Variants in EHMT1 observed in about 807,000 individuals in gnomAD.
EHMT1 encodes euchromatic histone lysine methyltransferase 1.
Under a neutral mutation model 147.2 loss-of-function variants are expected in EHMT1, and 15 were observed. That is an observed-to-expected ratio of 0.10 (90% CI 0.07 to 0.16). The LOEUF (loss-of-function observed/expected upper bound fraction) is 0.16. EHMT1 is among the 10% of genes least tolerant of loss of function. EHMT1 has a pLI of 1.00. For synonymous variants in EHMT1, 795 were observed against 709.6 expected, an observed-to-expected ratio of 1.12 and a Z score of -1.91; for missense variants, 1,587 against 1,772.4, an observed-to-expected ratio of 0.90 and a Z score of 1.88.
chr9:137,822,378 C>T (rs994325885), intron 25 of EHMT1, among the ~76,000 whole-genome samples: 3 of 152,130 alleles, frequency 2.0e-5, no homozygotes, highest in Admixed American at 6.5e-5. Flanking sequence ...TTTTATTTCT[C>T]GAGTAAATGG....
chr9:137,799,016 C>A (rs1953206365), intron 17 of EHMT1, 102 bp downstream of exon 17: 1 of 983,488 alleles, frequency 1.0e-6, no homozygotes, highest in Non-Finnish European at 1.6e-6. Flanking sequence ...ATGGCGTCCC[C>A]TCCCACGCAC....
chr9:137,676,121 T>C (rs867675468), intron 1 of EHMT1: 1 of 148,078 alleles, frequency 6.8e-6, no homozygotes, highest in South Asian at 2.2e-4. Flanking sequence ...GGTTTCACCA[T>C]GTTGGCCAGG....
intron 10 of EHMT1, chr9:137,763,409 G>C (rs1264486739): frequency 5.5e-6 from 1 of 181,038 alleles, no homozygotes; most frequent in East Asian, 1.3e-4. Flanking sequence ...ACCATGGCTG[G>C]CCATGGTGAG....
intron 18 of EHMT1, among the ~76,000 whole-genome samples, chr9:137,810,384 G>A (rs557335520): frequency 6.6e-6 from 1 of 152,390 alleles, no homozygotes; most frequent in South Asian, 2.1e-4. Context: ...TGGGCATCAG[G>A]CTTAGGAAAC....
intron 2 of EHMT1, among the ~76,000 whole-genome samples, chr9:137,712,440 C>T (rs9410119): frequency 0.017 from 2,514 of 152,320 alleles, 62 homozygotes; most frequent in African/African-American, 0.058. Context: ...TCCAGGTTCT[C>T]CACGTCCTCG....
chr9:137,745,823 G>A (rs60885457), intron 6 of EHMT1: 8,963 of 316,906 alleles, frequency 0.028, 730 homozygotes, highest in African/African-American at 0.17. Flanking sequence ...ACCTCTGACT[G>A]TATCCTTCCA....
intron 25 of EHMT1, among the ~76,000 whole-genome samples, chr9:137,830,439 A>T (rs985195760): frequency 1.3e-5 from 2 of 152,250 alleles, no homozygotes; most frequent in African/African-American, 2.4e-5. Context: ...ATAGATTTTT[A>T]AAAATGTGTT....
rs1359810526 is a variant in EHMT1, at chr9:137,835,394, TCGCCCTGCCCA to T, written c.*444_*454del. ...CCACCGTTAGCGCGAGCTGCTCCGT[TCGCCCTGCCCA>T]CGGCCTGCGTGGCTGGGGCCGAGTC... On this transcript the variant is annotated 3_prime_UTR_variant, in exon 27 of 27. Coordinates refer to ENST00000460843, the MANE Select transcript of EHMT1 (RefSeq NM_024757.5). 6.4e-6 allele frequency: 1 copy of T among 155,550 alleles called. No homozygotes were observed. Among genetic ancestry groups the T allele is most frequent in the Non-Finnish European group, 1.4e-5 (1 of 70,382 alleles). 9.6% of individuals were successfully genotyped at this position (155,550 alleles called of 1,614,324 possible).
intron 1 of EHMT1, among the ~76,000 whole-genome samples, chr9:137,648,103 C>T (rs1036440229): frequency 6.6e-6 from 1 of 152,002 alleles, no homozygotes; most frequent in African/African-American, 2.4e-5. Flanking sequence ...TGAATTTGTA[C>T]TTATTAAATG....
chr9:137,820,859 C>T (rs766562388), intron 25 of EHMT1, among the ~76,000 whole-genome samples: 1 of 148,258 alleles, frequency 6.7e-6, no homozygotes, highest in Non-Finnish European at 1.5e-5. Context: ...CATCTTCTCA[C>T]CTTAGAGGTT....
chr9:137,686,384 A>AT (rs970472492), intron 1 of EHMT1, among the ~76,000 whole-genome samples: 1 of 151,938 alleles, frequency 6.6e-6, no homozygotes, highest in African/African-American at 2.4e-5. Context: ...AGTTTTAAAA[A>AT]TTTTTTTAAT....
chr9:137,795,806 C>A (rs1411482296), intron 16 of EHMT1, among the ~76,000 whole-genome samples: 1 of 151,882 alleles, frequency 6.6e-6, no homozygotes, highest in Non-Finnish European at 1.5e-5. Flanking sequence ...CAGTATTAAT[C>A]TAAGAAGACC....
intron 10 of EHMT1, among the ~76,000 whole-genome samples, chr9:137,768,438 C>T: frequency 6.9e-6 from 1 of 145,698 alleles, no homozygotes; most frequent in Non-Finnish European, 1.5e-5. Flanking sequence ...ACTGCAATCG[C>T]TGCCTCCCAG....
intron 10 of EHMT1, among the ~76,000 whole-genome samples, chr9:137,769,611 C>G (rs1431750135): frequency 6.6e-6 from 1 of 151,910 alleles, no homozygotes; most frequent in Non-Finnish European, 1.5e-5. Flanking sequence ...GCCTCTGTTC[C>G]TTTGCATACT....
rs900867825 is a variant in EHMT1, at chr9:137,835,254, A to G, written c.*301A>G. The G allele has an allele frequency of 1.3e-5, 4 of 307,008 alleles. No individual in the cohort carries two copies. Among genetic ancestry groups the G allele is most frequent in the Non-Finnish European group, 2.4e-5 (4 of 169,334 alleles). 19.0% of individuals were successfully genotyped at this position (307,008 alleles called of 1,614,324 possible). On this transcript the variant is annotated 3_prime_UTR_variant, in exon 27 of 27. Transcript: ENST00000460843. Reference sequence around the variant, plus strand: ...ATCACCTTCTGAGTTTCTGATGCTGATTTGTCGTTGCGAAGTTTCTCGTTT... The same window carrying G: ...ATCACCTTCTGAGTTTCTGATGCTGGTTTGTCGTTGCGAAGTTTCTCGTTT...
intron 22 of EHMT1, 103 bp from the exon 23 acceptor site, chr9:137,815,844 G>A (rs1035262950): frequency 3.1e-6 from 3 of 979,548 alleles, no homozygotes; most frequent in African/African-American, 3.2e-5. Context: ...TCGTTTTTAT[G>A]TCCGTTTAAG....
At chr9:137,819,622 G>A (rs556681197) in intron 25 of EHMT1, among the ~76,000 whole-genome samples, 6 of 129,434 alleles carry the variant, frequency 4.6e-5, no homozygotes, top group Non-Finnish European at 7.6e-5. Flanking sequence ...CGATTGAGGG[G>A]CGCCGTGTAC....
chr9:137,643,590 T>C (rs1425150659), intron 1 of EHMT1, among the ~76,000 whole-genome samples: 2 of 151,928 alleles, frequency 1.3e-5, no homozygotes, highest in African/African-American at 2.4e-5. Context: ...CCTCGTGATC[T>C]GCCCACCTTG....
chr9:137,805,221 G>A (rs1003252093), intron 18 of EHMT1, among the ~76,000 whole-genome samples: 10 of 151,822 alleles, frequency 6.6e-5, no homozygotes, highest in East Asian at 3.9e-4. Flanking sequence ...TCTGTCAGTC[G>A]TCCATGTGTC....
Sources: gnomAD v4.1 joint callset for allele counts (sites outside exome capture counted in the v4.1 genomes callset) on GRCh38, gnomAD v4.1.1 for gene constraint, MANE v1.5 for transcripts, NCBI Gene and HGNC (gene_info 2026-07-23, HGNC 2026-07-21) for gene names.